KAZN: variants seen among roughly 807,000 people sequenced by gnomAD.
KAZN encodes kazrin.
In KAZN, 40 loss-of-function variants were observed where a neutral mutation model predicts 87.4. The ratio of observed to expected loss-of-function variants is 0.46; its 90% CI spans 0.36 to 0.60. KAZN has a LOEUF of 0.60. KAZN is among the 20% of genes least tolerant of loss of function. The pLI is 0.00. For synonymous variants in KAZN, 466 were observed against 458.3 expected (o/e 1.02, Z -0.22); for missense variants, 898 against 1,073.9 (o/e 0.84, Z 2.29).
chr1:14,592,346 G>A (rs545801110), intron 2 of KAZN, among the ~76,000 whole-genome samples: 1 of 152,288 alleles, frequency 6.6e-6, no homozygotes, highest in Admixed American at 6.5e-5. Flanking sequence ...AGGCTCAAAA[G>A]GCTCCTGGCA....
At chr1:13,900,024 A>G (rs1396050949) in intron 1 of KAZN, among the ~76,000 whole-genome samples, 1 of 152,076 alleles carries the variant, frequency 6.6e-6, no homozygotes, top group East Asian at 1.9e-4. Context: ...ATCATTAGTC[A>G]TTTTATGGGG....
chr1:14,047,051 A>G (rs555051630), intron 1 of KAZN, among the ~76,000 whole-genome samples: 26 of 152,138 alleles, frequency 1.7e-4, no homozygotes, highest in Non-Finnish European at 2.8e-4. Context: ...CTGTCCACCC[A>G]TCTGTCCATC....
intron 2 of KAZN, among the ~76,000 whole-genome samples, chr1:14,416,579 C>T (rs1057366097): frequency 6.6e-6 from 1 of 151,752 alleles, no homozygotes; most frequent in Non-Finnish European, 1.5e-5. Flanking sequence ...TCTAATAAAA[C>T]TACAAAAATT....
rs1298724199 is a variant in KAZN, at chr1:14,270,370, C to T, written c.249+89778C>T. The stretch of plus-strand genomic sequence containing the variant: ...AGATAGTGGATATGGGGAGGTAGAA[C>T]AACTGATGTTGACTCTGATGTTACA... On this transcript the variant is annotated intron_variant, in intron 2 of 16. Coordinates refer to the KAZN transcript ENST00000636203. 2.0e-5 allele frequency among the ~76,000 whole-genome samples: 3 copies of T among 152,186 alleles called. No homozygotes were observed. In the South Asian group the frequency reaches 6.2e-4, roughly 32 times the overall value.
intron 1 of KAZN, among the ~76,000 whole-genome samples, chr1:13,998,450 A>T (rs939053319): frequency 6.6e-6 from 1 of 152,182 alleles, no homozygotes; most frequent in African/African-American, 2.4e-5. Context: ...AAGAGTCAAG[A>T]TCCATTGGTG....
chr1:14,316,557 T>C (rs1223543997), intron 2 of KAZN, among the ~76,000 whole-genome samples: 1 of 151,990 alleles, frequency 6.6e-6, no homozygotes, highest in Non-Finnish European at 1.5e-5. Flanking sequence ...ATTTTATTGA[T>C]GTCTGCTGTT....
intron 2 of KAZN, among the ~76,000 whole-genome samples, chr1:14,532,121 G>A (rs116231621): frequency 0.015 from 2,322 of 152,144 alleles, 53 homozygotes; most frequent in African/African-American, 0.053. Flanking sequence ...TGACTGTTGT[G>A]GGCATGACAG....
At chr1:14,675,717 C>T (rs187396083) in intron 1 of KAZN, among the ~76,000 whole-genome samples, 2 of 152,266 alleles carry the variant, frequency 1.3e-5, no homozygotes, top group South Asian at 2.1e-4. Flanking sequence ...TGTAGATACA[C>T]AGTAAATATT....
Position 14,117,433 on chromosome 1 carries a change from G to A in KAZN, c.92-63002G>A, listed in dbSNP as rs139077322. On this transcript the variant is annotated intron_variant, in intron 1 of 16. Transcript: ENST00000636203. ...ATGTGAGACATGCCTTTCACCTTCC[G>A]CCATGATTGTGAGGCCTACCCAGCT... Among the ~76,000 whole-genome samples, 473 of 152,216 alleles carry A rather than the reference G, an allele frequency of 3.1e-3. 2 individuals carry two copies. The highest frequency in any genetic ancestry group is 0.011 in the African/African-American group (437 of 41,524).
At chr1:14,874,551 T>C (rs1285220250) in intron 1 of KAZN, among the ~76,000 whole-genome samples, 1 of 152,122 alleles carries the variant, frequency 6.6e-6, no homozygotes, top group Non-Finnish European at 1.5e-5. Context: ...ACTTAACTAC[T>C]GCAGCTAACT....
intron 8 of KAZN, among the ~76,000 whole-genome samples, chr1:15,090,041 G>A (rs941342758): frequency 2.0e-5 from 3 of 152,162 alleles, no homozygotes; most frequent in African/African-American, 7.2e-5. Flanking sequence ...ATTTCATCCT[G>A]GTATCTGCAA....
chr1:15,031,811 A>G (rs28464648), intron 2 of KAZN, among the ~76,000 whole-genome samples: 122,699 of 152,038 alleles, frequency 0.81, 49,828 homozygotes, highest in Admixed American at 0.86. Flanking sequence ...AGGTCTCACC[A>G]TGTCGTCCAG....
chr1:14,395,152 GA>G (rs1333050278), intron 2 of KAZN, among the ~76,000 whole-genome samples: 1 of 151,486 alleles, frequency 6.6e-6, no homozygotes, highest in Non-Finnish European at 1.5e-5. Flanking sequence ...GAGGAGAGAA[GA>G]AAAAAGAGGG....
intron 1 of KAZN, among the ~76,000 whole-genome samples, chr1:14,885,658 T>A (rs1340400589): frequency 6.6e-6 from 1 of 152,020 alleles, no homozygotes; most frequent in African/African-American, 2.4e-5. Context: ...TTATTTTCCT[T>A]CATAGAATCA....
intron 3 of KAZN, among the ~76,000 whole-genome samples, chr1:15,037,076 C>T (rs891183022): frequency 6.6e-6 from 1 of 151,990 alleles, no homozygotes; most frequent in Non-Finnish European, 1.5e-5. Context: ...ATCTTCTGGT[C>T]GCCTCTGCTC....
chr1:14,777,206 C>T (rs1209733422), intron 1 of KAZN, among the ~76,000 whole-genome samples: 1 of 151,922 alleles, frequency 6.6e-6, no homozygotes, highest in Non-Finnish European at 1.5e-5. Context: ...CCGTGTTAGC[C>T]AGGATGGTCT....
intron 2 of KAZN, among the ~76,000 whole-genome samples, chr1:14,982,094 G>T (rs1666300596): frequency 6.6e-6 from 1 of 152,196 alleles, no homozygotes; most frequent in African/African-American, 2.4e-5. Flanking sequence ...CCTCACAGCA[G>T]ACCGGTGAGA....
At chr1:14,385,271 A>G (rs899666887) in intron 2 of KAZN, among the ~76,000 whole-genome samples, 28 of 151,982 alleles carry the variant, frequency 1.8e-4, no homozygotes, top group Non-Finnish European at 8.8e-5. Context: ...CAGCTCCTGG[A>G]TTCATTAATT....
intron 2 of KAZN, among the ~76,000 whole-genome samples, chr1:14,187,024 T>G (rs371019002): frequency 2.2e-4 from 33 of 152,230 alleles, no homozygotes; most frequent in Middle Eastern, 3.4e-3. Flanking sequence ...TACAAAGTAC[T>G]TTTGCCAGCA....
Sources: allele counts gnomAD v4.1 joint callset (sites outside exome capture counted in the v4.1 genomes callset), GRCh38; gene constraint gnomAD v4.1.1; transcripts MANE v1.5; gene names NCBI Gene and HGNC (gene_info 2026-07-23, HGNC 2026-07-21).